RBPJ: variants seen among roughly 807,000 people sequenced by gnomAD.
RBPJ encodes recombining binding protein suppressor of hairless.
Under a neutral mutation model 67.8 loss-of-function variants are expected in RBPJ, and 9 were observed. The observed-to-expected ratio is 0.13, with a 90% CI of 0.08 to 0.23. RBPJ has a LOEUF of 0.23. Among genes scored for constraint, RBPJ ranks in the 10% least tolerant of loss-of-function variants. The pLI, the probability that RBPJ is intolerant of heterozygous loss-of-function variation, is 1.00. For missense variants in RBPJ, 305 were observed against 595.6 expected, an observed-to-expected ratio of 0.51 and a Z score of 5.08; for synonymous variants, 198 against 203.3, an observed-to-expected ratio of 0.97 and a Z score of 0.22.
intron 1 of RBPJ, among the ~76,000 whole-genome samples, chr4:26,304,050 T>C (rs1396267729): frequency 6.6e-6 from 1 of 152,142 alleles, no homozygotes; most frequent in Non-Finnish European, 1.5e-5. Context: ...TGCCGGGCCC[T>C]AGACAGCCAT....
At chr4:26,129,946 C>T in the RBPJ span, among the ~76,000 whole-genome samples, 1 of 152,208 alleles carries the variant, frequency 6.6e-6, no homozygotes, top group Non-Finnish European at 1.5e-5. Flanking sequence ...ACTGCAACCT[C>T]TGCCTCCCAG....
intron 3 of RBPJ, among the ~76,000 whole-genome samples, chr4:26,408,417 A>G (rs1733692295): frequency 6.6e-6 from 1 of 151,530 alleles, no homozygotes; most frequent in East Asian, 1.9e-4. Flanking sequence ...CACGAAGTTG[A>G]TATTAGAAAT....
chr4:26,272,653 T>A (rs1720952549), intron 1 of RBPJ: 1 of 449,762 alleles, frequency 2.2e-6, no homozygotes, highest in African/African-American at 2.0e-5. Context: ...CATTTTGTCT[T>A]CATTTTTTCC....
chr4:26,408,821 C>T (rs1348190047), intron 3 of RBPJ, among the ~76,000 whole-genome samples: 2 of 152,118 alleles, frequency 1.3e-5, no homozygotes, highest in Admixed American at 6.5e-5. Context: ...TTTTTACTAC[C>T]CTAATTGCCA....
intron 1 of RBPJ, among the ~76,000 whole-genome samples, chr4:26,169,284 C>T (rs1232662758): frequency 6.6e-6 from 1 of 152,190 alleles, no homozygotes; most frequent in Non-Finnish European, 1.5e-5. Flanking sequence ...AGTTTTCCTT[C>T]TAACAGACAG....
chr4:26,292,158 A>G (rs75327620), intron 1 of RBPJ, among the ~76,000 whole-genome samples: 1,832 of 150,728 alleles, frequency 0.012, 104 homozygotes, highest in African/African-American at 0.043. Flanking sequence ...CTTTATATTT[A>G]GTCTCCAGAA....
At chr4:26,212,471 C>G (rs1171461909) in intron 1 of RBPJ, among the ~76,000 whole-genome samples, 1 of 126,406 alleles carries the variant, frequency 7.9e-6, no homozygotes, top group Non-Finnish European at 1.6e-5. Context: ...GAGTCTCACT[C>G]TGTCACCCAG....
chr4:26,132,992 G>A, the RBPJ span, among the ~76,000 whole-genome samples: 1 of 152,142 alleles, frequency 6.6e-6, no homozygotes, highest in Admixed American at 6.5e-5. Context: ...CCTCCCTTTG[G>A]GTTCCATGAG....
At chr4:26,340,806 C>T (rs187679147) in intron 1 of RBPJ, among the ~76,000 whole-genome samples, 93 of 150,760 alleles carry the variant, frequency 6.2e-4, no homozygotes, top group African/African-American at 2.2e-3. Flanking sequence ...TTGCAGTGAG[C>T]TGAGATCACG....
chr4:26,248,473 G>A (rs1461227679), intron 1 of RBPJ, among the ~76,000 whole-genome samples: 1 of 152,002 alleles, frequency 6.6e-6, no homozygotes, highest in Non-Finnish European at 1.5e-5. Context: ...TTGTGTATTA[G>A]AACCTCCCAA....
rs533033825 is a variant in RBPJ at position 26,400,846 on chromosome 4, G to C, written c.60-5329G>C. Among the ~76,000 whole-genome samples, 35 of 152,314 alleles carry C rather than the reference G, an allele frequency of 2.3e-4. No homozygotes were observed. The Middle Eastern group carries it at 0.01, about 44-fold the overall frequency. On this transcript the variant is annotated intron_variant, in intron 2 of 10. Coordinates refer to ENST00000355476, the MANE Select transcript of RBPJ (RefSeq NM_015874.6). ...TTTGAACTGTGAACAGTTACATCCA[G>C]TAGTAGAAGCCAGTAGAATGCCCAG... is the stretch of plus-strand genomic sequence containing the variant.
rs761477525 is a variant in RBPJ at position 26,430,813 on chromosome 4, T to C, written c.1270T>C (p.Ser424Pro). 1.9e-6 allele frequency: 3 copies of C among 1,613,982 alleles called. No individual in the cohort carries two copies. The highest frequency in any genetic ancestry group is 2.5e-6 in the Non-Finnish European group (3 of 1,179,980). ...TLVRNDGIIY[S>P]TSLTFTYTPE... The stretch of plus-strand genomic sequence containing the variant: ...GGTCCGAAATGATGGAATCATTTAT[T>C]CCACCAGCCTTACCTTTACCTACAC... Residue 424 changes from serine to proline, a missense_variant, in exon 11 of 11, where the codon TCC becomes CCC. Physicochemically the swap from Ser to Pro is moderately conservative, Grantham distance 74. This residue lies in a region of RBPJ where 47 missense variants were observed against 128.2 expected (regional missense o/e 0.37). Transcript: ENST00000355476. The surrounding 1 kb of genome is among the most constrained non-coding windows in gnomAD (Gnocchi z 4.1).
At chr4:26,155,146 G>A in the RBPJ span, among the ~76,000 whole-genome samples, 2 of 152,328 alleles carry the variant, frequency 1.3e-5, no homozygotes, top group Admixed American at 1.3e-4. Flanking sequence ...TTGGAAAGGA[G>A]GGGTGAATAC....
intron 1 of RBPJ, among the ~76,000 whole-genome samples, chr4:26,323,469 T>TA (rs1244220666): frequency 2.0e-5 from 3 of 152,248 alleles, no homozygotes; most frequent in Non-Finnish European, 4.4e-5. Context: ...AATTAAATTA[T>TA]AACAGCAGCA....
At chr4:26,363,561 T>G (rs1192871575) in intron 1 of RBPJ, among the ~76,000 whole-genome samples, 1 of 152,082 alleles carries the variant, frequency 6.6e-6, no homozygotes. Flanking sequence ...GTCTCAGCCT[T>G]CCGAGTAGCT....
intron 1 of RBPJ, among the ~76,000 whole-genome samples, chr4:26,183,421 C>T (rs533128637): frequency 3.9e-5 from 6 of 152,224 alleles, no homozygotes; most frequent in South Asian, 2.1e-4. Flanking sequence ...TGTTAGTAAC[C>T]GTCCATTCTT....
At chr4:26,153,629 C>T in the RBPJ span, among the ~76,000 whole-genome samples, 4 of 152,276 alleles carry the variant, frequency 2.6e-5, no homozygotes, top group African/African-American at 7.2e-5. Flanking sequence ...TAGGGGGTCT[C>T]TCTTTGATTT....
Position 26,429,908 on chromosome 4 carries a change from G to T in RBPJ, c.899G>T (p.Cys300Phe). The T allele has an allele frequency of 6.2e-7, 1 of 1,612,522 alleles. No individual in the cohort carries two copies. The highest frequency in any genetic ancestry group is 2.2e-5 in the East Asian group (1 of 44,876). Residue 300 changes from cysteine to phenylalanine, a missense_variant, in exon 9 of 11, where the codon TGT becomes TTT. Around this residue, in one of 7 missense-constraint regions of RBPJ, gnomAD observed 66 missense variants for 226.0 expected, o/e 0.29. Transcript: ENST00000355476. ...ERIIQFQATPCPKEPNKEMIN... is the reference protein window; with the variant it reads ...ERIIQFQATPFPKEPNKEMIN... Reference sequence around the variant, plus strand: ...TTCTTTCTTTATTAGGCCACTCCATGTCCAAAAGAACCAAATAAAGAGATG... The same window carrying T: ...TTCTTTCTTTATTAGGCCACTCCATTTCCAAAAGAACCAAATAAAGAGATG...
At chr4:26,169,762 G>A (rs1224659975) in intron 1 of RBPJ, among the ~76,000 whole-genome samples, 1 of 152,186 alleles carries the variant, frequency 6.6e-6, no homozygotes, top group African/African-American at 2.4e-5. Flanking sequence ...GTTTACCTAA[G>A]CGAGCCTGGG....
Sources: gnomAD v4.1 joint callset for allele counts (sites outside exome capture counted in the v4.1 genomes callset) on GRCh38, gnomAD v4.1.1 for gene constraint, gnomAD v4.1.1 regional missense constraint, Gnocchi (gnomAD v3.1) non-coding constraint, MANE v1.5 for transcripts, NCBI Gene and HGNC (gene_info 2026-07-23, HGNC 2026-07-21) for gene names.